SPTBN1: variants seen among roughly 807,000 people sequenced by gnomAD.
The protein encoded by SPTBN1 is spectrin beta, non-erythrocytic 1, also known as spectrin beta chain, non-erythrocytic 1.
Under a neutral mutation model 266.4 loss-of-function variants are expected in SPTBN1, and 32 were observed. That is an observed-to-expected ratio of 0.12 (90% CI 0.09 to 0.16). SPTBN1 has a LOEUF of 0.16. Ranked by LOEUF, SPTBN1 falls within the 10% of genes least tolerant of loss-of-function variation. The probability of loss-of-function intolerance (pLI) is 1.00; values close to 1 mark genes in which losing one functional copy is unlikely to be tolerated. For synonymous variants in SPTBN1, 1,336 were observed against 1,162.2 expected, an observed-to-expected ratio of 1.15 and a Z score of -3.04; for missense variants, 2,296 against 3,067.1, an observed-to-expected ratio of 0.75 and a Z score of 5.94.
At chr2:54,519,956 G>GA (rs1229204098) in intron 1 of SPTBN1, among the ~76,000 whole-genome samples, 1 of 152,138 alleles carries the variant, frequency 6.6e-6, no homozygotes, top group Admixed American at 6.5e-5. Flanking sequence ...AGTGGTGGAG[G>GA]AGATGCAGGG....
At chr2:54,647,396 T>A (rs1447859886) in intron 24 of SPTBN1, 135 bp downstream of exon 24, 18 of 1,203,414 alleles carry the variant, frequency 1.5e-5, no homozygotes, top group Non-Finnish European at 1.0e-5. Context: ...GAAGCATTTT[T>A]AAAACAGACC....
At chr2:54,659,067 C>G (rs1361826656) in intron 30 of SPTBN1, 87 bp from the exon 31 acceptor site, 2 of 1,418,448 alleles carry the variant, frequency 1.4e-6, no homozygotes, top group Admixed American at 3.4e-5. Context: ...GCAAACTAGA[C>G]AGGAGGACTT....
Position 54,649,199 on chromosome 2 carries a change from T to C in SPTBN1, c.5202+9T>C. 1 of 1,590,094 alleles carries C rather than the reference T, an allele frequency of 6.3e-7. No individual in the cohort carries two copies. Reference sequence around the variant, plus strand: ...ACTATGAGCATGTCACGGCAAGTACTTGAGGCAGTGCATGAGTTGGTTGTG... The same window carrying C: ...ACTATGAGCATGTCACGGCAAGTACCTGAGGCAGTGCATGAGTTGGTTGTG... On this transcript the variant is annotated intron_variant, in intron 25 of 35. Transcript: ENST00000356805. This position sits in a 1 kb window ranked among gnomAD's most constrained non-coding sequence, Gnocchi z 6.7.
chr2:54,551,444 A>T (rs1469256475), intron 2 of SPTBN1, among the ~76,000 whole-genome samples: 1 of 152,258 alleles, frequency 6.6e-6, no homozygotes, highest in East Asian at 1.9e-4. Context: ...TTGTCTGTGC[A>T]GGGAAGCTTT....
At chr2:54,604,732 A>G (rs1282150707) in intron 3 of SPTBN1, among the ~76,000 whole-genome samples, 1 of 152,204 alleles carries the variant, frequency 6.6e-6, no homozygotes, top group African/African-American at 2.4e-5. Context: ...TGGCTGGTAA[A>G]GGTTTAGGAC....
chr2:54,494,579 T>C (rs775707286), intron 1 of SPTBN1, among the ~76,000 whole-genome samples: 1 of 152,250 alleles, frequency 6.6e-6, no homozygotes, highest in Non-Finnish European at 1.5e-5. Flanking sequence ...TATTGGTATA[T>C]GTAGCAACAT....
Position 54,646,494 on chromosome 2 carries a change from C to T in SPTBN1, c.4866+19C>T. The T allele has an allele frequency of 2.0e-6, 3 of 1,480,180 alleles. No homozygotes were observed. The highest frequency in any genetic ancestry group is 2.9e-5 in the South Asian group (2 of 68,458). The allele number at this position is 1,480,180 out of a possible 1,614,324, so 91.7% of individuals were successfully genotyped here. Reference sequence around the variant, plus strand: ...GGCCAAGGTGAGAGGAGGCGGGAAGCATCCCTGTCCCAGGAGAGCCTCAGA... The same window carrying T: ...GGCCAAGGTGAGAGGAGGCGGGAAGTATCCCTGTCCCAGGAGAGCCTCAGA... On this transcript the variant is annotated intron_variant, in intron 23 of 35. Coordinates refer to ENST00000356805, the MANE Select transcript of SPTBN1 (RefSeq NM_003128.3). This position sits in a 1 kb window ranked among gnomAD's most constrained non-coding sequence, Gnocchi z 4.4.
At chr2:54,492,578 C>T (rs924590349) in intron 1 of SPTBN1, among the ~76,000 whole-genome samples, 10 of 152,088 alleles carry the variant, frequency 6.6e-5, no homozygotes, top group South Asian at 4.1e-4. Context: ...TAGATGCCTT[C>T]GAACTTAGGC....
At chr2:54,647,939 G>T (rs2104085183) in intron 24 of SPTBN1, among the ~76,000 whole-genome samples, 1 of 152,340 alleles carries the variant, frequency 6.6e-6, no homozygotes, top group South Asian at 2.1e-4. Flanking sequence ...ATCCAGTTTA[G>T]TAAAGTAATT....
chr2:54,513,589 A>G (rs1423169981), intron 1 of SPTBN1, among the ~76,000 whole-genome samples: 1 of 152,196 alleles, frequency 6.6e-6, no homozygotes, highest in Non-Finnish European at 1.5e-5. Context: ...ATTTAAAACT[A>G]TTTGGAAGTA....
intron 3 of SPTBN1, 109 bp from the exon 4 acceptor site, chr2:54,612,052 C>T (rs754504173): frequency 9.1e-7 from 1 of 1,093,094 alleles, no homozygotes; most frequent in Non-Finnish European, 1.3e-6. Flanking sequence ...ATGTTCTGCT[C>T]TGAGCGGGAG....
intron 1 of SPTBN1, among the ~76,000 whole-genome samples, chr2:54,502,555 G>A: frequency 6.6e-6 from 1 of 152,024 alleles, no homozygotes; most frequent in East Asian, 1.9e-4. Flanking sequence ...GTGCATGGGT[G>A]ACAGCTCCCT....
chr2:54,595,077 A>C (rs960901807), intron 2 of SPTBN1, among the ~76,000 whole-genome samples: 2 of 151,728 alleles, frequency 1.3e-5, no homozygotes, highest in Non-Finnish European at 2.9e-5. Flanking sequence ...CAGGAGATCC[A>C]CCTCTCAGCC....
rs542617470 is a variant in SPTBN1 at position 54,460,769 on chromosome 2, T to TG, written c.-48+4256dup. Among the ~76,000 whole-genome samples the TG allele has an allele frequency of 5.5e-3, 831 of 151,992 alleles. 10 individuals carry two copies. The highest frequency in any genetic ancestry group is 0.02 in the African/African-American group (809 of 41,460). The stretch of plus-strand genomic sequence containing the variant: ...AATCCCAGCACTTTGGGATGCCGAG[T>TG]GGGGGCGGATCACTTGAGGTCAGGA... On this transcript the variant is annotated intron_variant, in intron 1 of 35. Transcript: ENST00000356805.
chr2:54,532,442 G>A (rs1318463799), intron 2 of SPTBN1, among the ~76,000 whole-genome samples: 13 of 151,996 alleles, frequency 8.6e-5, no homozygotes, highest in Non-Finnish European at 2.9e-5. Flanking sequence ...TTTATACTAC[G>A]TCTTTGAAAT....
At chr2:54,482,466 G>T (rs2103944694) in intron 1 of SPTBN1, among the ~76,000 whole-genome samples, 1 of 152,298 alleles carries the variant, frequency 6.6e-6, no homozygotes, top group African/African-American at 2.4e-5. Flanking sequence ...ATGGGCACCA[G>T]GACTTGCAAG....
At chr2:54,614,830 T>G (rs1441490740) in intron 4 of SPTBN1, among the ~76,000 whole-genome samples, 2 of 151,248 alleles carry the variant, frequency 1.3e-5, no homozygotes, top group Non-Finnish European at 2.9e-5. Context: ...GGTGAGAAAC[T>G]GGAGTGGAAG....
Position 54,629,442 on chromosome 2 carries a change from A to G in SPTBN1, c.2308A>G (p.Ser770Gly), listed in dbSNP as rs1232107418. The G allele has an allele frequency of 6.2e-7, 1 of 1,614,044 alleles. No homozygotes were observed. The highest frequency in any genetic ancestry group is 8.5e-7 in the Non-Finnish European group (1 of 1,180,050). ...GGACATCCTCAAGATTGTCTCCAGC[A>G]GCGACGTGGGCCACGATGAGTATTC... The part of the protein sequence containing the change: ...MLDILKIVSS[S>G]DVGHDEYSTQ... The change falls in exon 14 of 36, where the codon AGC (serine) becomes GGC (glycine). Residue 770 changes from serine (S) to glycine (G), a missense_variant. Coordinates refer to ENST00000356805, the MANE Select transcript of SPTBN1 (RefSeq NM_003128.3).
chr2:54,577,306 A>G (rs1188767392), intron 2 of SPTBN1, among the ~76,000 whole-genome samples: 2 of 152,156 alleles, frequency 1.3e-5, no homozygotes, highest in African/African-American at 4.8e-5. Context: ...TACTCTGGTC[A>G]CTTTCATTTT....
Sources: allele counts gnomAD v4.1 joint callset (sites outside exome capture counted in the v4.1 genomes callset), GRCh38; gene constraint gnomAD v4.1.1; non-coding constraint Gnocchi (gnomAD v3.1); transcripts MANE v1.5; gene names NCBI Gene and HGNC (gene_info 2026-07-23, HGNC 2026-07-21).